The following GABRG3 variants were observed in gnomAD, a reference collection of about 807,000 sequenced individuals.
GABRG3 encodes gamma-aminobutyric acid type A receptor subunit gamma3.
GABRG3 carries 25 observed loss-of-function variants against 48.8 expected under a neutral mutation model. That is an observed-to-expected ratio of 0.51 (90% confidence interval 0.37 to 0.72). The LOEUF (loss-of-function observed/expected upper bound fraction) is 0.72, where lower values mean the gene tolerates loss of function less well. Among genes scored for constraint, GABRG3 ranks in the 30% least tolerant of loss-of-function variants. GABRG3 has a pLI of 0.00. For missense variants in GABRG3, 394 were observed against 577.9 expected (o/e 0.68, Z 3.26); for synonymous variants, 227 against 217.6 (o/e 1.04, Z -0.38).
rs550181321 is a variant in GABRG3 at position 27,430,498 on chromosome 15, C to A, written c.575-50152C>A. ...TAGTGAAGATCATGAAGTTTTATTTCTAATTTTTCTTCTAAGGGTTTTATA... is the reference window on the plus strand; with the variant it reads ...TAGTGAAGATCATGAAGTTTTATTTATAATTTTTCTTCTAAGGGTTTTATA... On this transcript the variant is annotated intron_variant, in intron 5 of 9. Coordinates refer to ENST00000615808, the MANE Select transcript of GABRG3 (RefSeq NM_033223.5). 8.6e-5 allele frequency among the ~76,000 whole-genome samples: 13 copies of A among 151,946 alleles called. No individual in the cohort carries two copies. In the South Asian group the frequency reaches 2.5e-3, roughly 29 times the overall value.
intron 5 of GABRG3, among the ~76,000 whole-genome samples, chr15:27,431,728 T>C (rs572089319): frequency 6.6e-6 from 1 of 152,262 alleles, no homozygotes; most frequent in East Asian, 1.9e-4. Context: ...CATGAATGTG[T>C]GTTTGTTTTG....
intron 3 of GABRG3, among the ~76,000 whole-genome samples, chr15:27,182,994 G>A (rs915554917): frequency 2.0e-5 from 3 of 152,284 alleles, no homozygotes; most frequent in South Asian, 4.1e-4. Flanking sequence ...CTGCTTTTAC[G>A]AATCATTTTT....
intron 6 of GABRG3, among the ~76,000 whole-genome samples, chr15:27,511,217 TC>T (rs1394167127): frequency 6.6e-5 from 10 of 152,234 alleles, no homozygotes; most frequent in Admixed American, 6.5e-4. Context: ...TATCTACAAT[TC>T]TTTTGTAAGG....
At chr15:27,306,223 CAT>C (rs199941180) in intron 3 of GABRG3, among the ~76,000 whole-genome samples, 10,572 of 106,902 alleles carry the variant, frequency 0.099, 1,910 homozygotes, top group African/African-American at 0.32. Context: ...GTAATATAAA[CAT>C]ATGTTCTATA....
Position 26,975,033 on chromosome 15 carries a change from C to A in GABRG3, c.54-1969C>A, listed in dbSNP as rs1894913604. On this transcript the variant is annotated intron_variant, in intron 1 of 9. Coordinates refer to ENST00000615808, the MANE Select transcript of GABRG3 (RefSeq NM_033223.5). This position sits in a 1 kb window ranked among gnomAD's most constrained non-coding sequence, Gnocchi z 4.6. ...GGACTACAGGCATGTGCCACCATGC[C>A]CCGCTAATTTTTTTTGTATTTTTAG... Among the ~76,000 whole-genome samples, 1 of 151,634 alleles carries A rather than the reference C, an allele frequency of 6.6e-6. No homozygotes were observed. Among genetic ancestry groups the A allele is most frequent in the African/African-American group, 2.4e-5 (1 of 41,262 alleles).
intron 3 of GABRG3, among the ~76,000 whole-genome samples, chr15:27,175,611 G>A (rs1304245247): frequency 1.3e-5 from 2 of 152,186 alleles, no homozygotes; most frequent in Non-Finnish European, 2.9e-5. Context: ...CTAGACATGA[G>A]GCTCTCACGG....
intron 3 of GABRG3, among the ~76,000 whole-genome samples, chr15:27,175,188 C>T (rs538869876): frequency 3.3e-5 from 5 of 152,248 alleles, no homozygotes; most frequent in African/African-American, 4.8e-5. Context: ...CTGCCCTGCT[C>T]GAGGAAGGTC....
chr15:27,135,415 G>T (rs2140385785), intron 3 of GABRG3, among the ~76,000 whole-genome samples: 2 of 152,256 alleles, frequency 1.3e-5, no homozygotes, highest in Middle Eastern at 3.4e-3. Context: ...AAGCAGCGAG[G>T]GGAATTCTGT....
intron 3 of GABRG3, among the ~76,000 whole-genome samples, chr15:27,282,521 A>G (rs191088358): frequency 2.0e-5 from 3 of 152,336 alleles, no homozygotes; most frequent in Admixed American, 2.0e-4. Flanking sequence ...GTTTTAAAGT[A>G]GTAGTTACTG....
intron 5 of GABRG3, among the ~76,000 whole-genome samples, chr15:27,463,885 G>A (rs1417539724): frequency 6.6e-6 from 1 of 152,040 alleles, no homozygotes; most frequent in Non-Finnish European, 1.5e-5. Context: ...TCAGGGAGTG[G>A]GCTCAGTTCA....
chr15:27,373,582 C>T (rs1330671952), intron 5 of GABRG3, among the ~76,000 whole-genome samples: 1 of 152,074 alleles, frequency 6.6e-6, no homozygotes, highest in Admixed American at 6.6e-5. Context: ...ATTAAAAGGG[C>T]TTTTCCAATT....
intron 5 of GABRG3, among the ~76,000 whole-genome samples, chr15:27,409,996 T>C (rs1181532358): frequency 6.6e-6 from 1 of 152,200 alleles, no homozygotes; most frequent in Non-Finnish European, 1.5e-5. Flanking sequence ...CATCTTTGCC[T>C]TGGTCCTGAT....
chr15:27,408,280 C>T (rs572975769), intron 5 of GABRG3, among the ~76,000 whole-genome samples: 1 of 152,118 alleles, frequency 6.6e-6, no homozygotes, highest in South Asian at 2.1e-4. Context: ...TGCCCTGGGG[C>T]CTTGGAATCT....
intron 3 of GABRG3, among the ~76,000 whole-genome samples, chr15:27,136,542 T>G (rs1700893750): frequency 6.6e-6 from 1 of 152,158 alleles, no homozygotes; most frequent in African/African-American, 2.4e-5. Flanking sequence ...TGATCGTGTT[T>G]CAGGCATGGG....
intron 3 of GABRG3, among the ~76,000 whole-genome samples, chr15:27,031,196 C>T (rs927002295): frequency 6.6e-6 from 1 of 152,128 alleles, no homozygotes; most frequent in Non-Finnish European, 1.5e-5. Flanking sequence ...CTATGGCTTA[C>T]ATTAGGATTC....
chr15:27,129,100 G>C (rs1156721827), intron 3 of GABRG3, among the ~76,000 whole-genome samples: 1 of 152,280 alleles, frequency 6.6e-6, no homozygotes, highest in South Asian at 2.1e-4. Flanking sequence ...TGAGGGTATA[G>C]TTCAGTGTCA....
chr15:27,414,681 G>A (rs1310564957), intron 5 of GABRG3, among the ~76,000 whole-genome samples: 1 of 152,082 alleles, frequency 6.6e-6, no homozygotes, highest in African/African-American at 2.4e-5. Flanking sequence ...AAGTTATCTG[G>A]CATCACAGAG....
At chr15:26,990,584 CT>C (rs1895229503) in intron 2 of GABRG3, among the ~76,000 whole-genome samples, 1 of 151,964 alleles carries the variant, frequency 6.6e-6, no homozygotes, top group South Asian at 2.1e-4. Context: ...TGTCTCTTTA[CT>C]TTGTTCTTTG....
chr15:27,182,511 C>T (rs1490739248), intron 3 of GABRG3, among the ~76,000 whole-genome samples: 4 of 152,114 alleles, frequency 2.6e-5, no homozygotes, highest in South Asian at 2.1e-4. Context: ...AATGTGAACC[C>T]GCCATGTGAA....
Sources: gnomAD v4.1 joint callset for allele counts (sites outside exome capture counted in the v4.1 genomes callset) on GRCh38, gnomAD v4.1.1 for gene constraint, Gnocchi (gnomAD v3.1) non-coding constraint, MANE v1.5 for transcripts, NCBI Gene and HGNC (gene_info 2026-07-23, HGNC 2026-07-21) for gene names.